Variants in RYR2 observed in about 807,000 individuals in gnomAD.
The protein encoded by RYR2 is ryanodine receptor 2.
RYR2 carries 227 observed loss-of-function variants against 601.1 expected under a neutral mutation model. The ratio of observed to expected loss-of-function variants is 0.38; its 90% CI spans 0.34 to 0.42. The LOEUF is 0.42. Among genes scored for constraint, RYR2 ranks in the 10% least tolerant of loss-of-function variants. The pLI is 1.00. For missense variants in RYR2, 4,646 were observed against 6,156.5 expected (o/e 0.75, Z 8.21); for synonymous variants, 2,223 against 2,175.1 (o/e 1.02, Z -0.61).
intron 3 of RYR2, among the ~76,000 whole-genome samples, chr1:237,345,474 T>A (rs115898570): frequency 0.11 from 16,632 of 145,420 alleles, 1,192 homozygotes; most frequent in East Asian, 0.33. Context: ...AAATAAAAAA[T>A]AAAAAATAAA....
chr1:237,561,855 T>C (rs1456922470), intron 27 of RYR2, among the ~76,000 whole-genome samples: 1 of 152,124 alleles, frequency 6.6e-6, no homozygotes, highest in Non-Finnish European at 1.5e-5. Flanking sequence ...GTTGGGAGGC[T>C]TTAGAAAAAT....
At chr1:237,583,647 G>A (rs1437516555) in intron 29 of RYR2, among the ~76,000 whole-genome samples, 1 of 152,030 alleles carries the variant, frequency 6.6e-6, no homozygotes, top group Non-Finnish European at 1.5e-5. Flanking sequence ...TTTGGTTTGG[G>A]TTATATATTT....
At chr1:237,348,889 A>G (rs143644526) in intron 3 of RYR2, among the ~76,000 whole-genome samples, 2 of 152,376 alleles carry the variant, frequency 1.3e-5, no homozygotes, top group African/African-American at 4.8e-5. Context: ...TCAGAAGATT[A>G]GTTTAACAGC....
chr1:237,535,519 G>T (rs958501232), intron 25 of RYR2, among the ~76,000 whole-genome samples: 2 of 119,226 alleles, frequency 1.7e-5, no homozygotes, highest in Non-Finnish European at 3.7e-5. Flanking sequence ...ACACACACAC[G>T]TCCCAAACAA....
intron 1 of RYR2, among the ~76,000 whole-genome samples, chr1:237,048,634 TC>T (rs1412112059): frequency 6.6e-6 from 1 of 152,184 alleles, no homozygotes; most frequent in African/African-American, 2.4e-5. Flanking sequence ...TCTAACCAAT[TC>T]CGATTTTACC....
intron 1 of RYR2, among the ~76,000 whole-genome samples, chr1:237,063,966 T>C (rs553016371): frequency 7.2e-5 from 11 of 152,268 alleles, no homozygotes; most frequent in African/African-American, 2.6e-4. Context: ...TTAAAGGTGA[T>C]ATTTTCATTC....
intron 102 of RYR2, among the ~76,000 whole-genome samples, chr1:237,829,508 C>T (rs940350829): frequency 2.6e-5 from 4 of 152,120 alleles, no homozygotes; most frequent in Admixed American, 1.3e-4. Flanking sequence ...GTTAGCTGAC[C>T]TAGGGAACCC....
In RYR2 at chr1:237,794,858, T is replaced by C. The variant is rs138952018; in HGVS notation, c.13914-431T>C. On this transcript the variant is annotated intron_variant, in intron 95 of 104. Transcript: ENST00000366574. ...CTATGTATTAGTGAAGACGCTAGAGTTGTGCTTTGCTGCTATGCTCGAAGT... is the reference window on the plus strand; with the variant it reads ...CTATGTATTAGTGAAGACGCTAGAGCTGTGCTTTGCTGCTATGCTCGAAGT... Among the ~76,000 whole-genome samples, 649 of 152,296 alleles carry C rather than the reference T, an allele frequency of 4.3e-3. 4 individuals are homozygous for C. The highest frequency in any genetic ancestry group is 0.014 in the African/African-American group (593 of 41,560).
intron 26 of RYR2, among the ~76,000 whole-genome samples, chr1:237,549,833 G>A (rs901441300): frequency 6.6e-6 from 1 of 151,952 alleles, no homozygotes; most frequent in Admixed American, 6.6e-5. Flanking sequence ...CACACTTGTA[G>A]GAGTAGATGC....
chr1:237,214,267 T>C (rs1423802649), intron 1 of RYR2, among the ~76,000 whole-genome samples: 1 of 152,110 alleles, frequency 6.6e-6, no homozygotes, highest in Non-Finnish European at 1.5e-5. Flanking sequence ...TTTTCATTAG[T>C]ATATTGTCTT....
chr1:237,515,927 TCTC>T (rs554092563), intron 24 of RYR2, among the ~76,000 whole-genome samples: 3 of 142,784 alleles, frequency 2.1e-5, no homozygotes, highest in South Asian at 2.4e-4. Flanking sequence ...CTCTCCCTCT[TCTC>T]CTTCTTCCTC....
chr1:237,454,646 T>G (rs1658592774), intron 15 of RYR2, 72 bp downstream of exon 15: 9 of 1,492,238 alleles, frequency 6.0e-6, no homozygotes, highest in Non-Finnish European at 8.2e-6. Flanking sequence ...TGGGAAAATT[T>G]TCCATCTATT....
intron 54 of RYR2, among the ~76,000 whole-genome samples, chr1:237,658,970 T>G (rs1034017916): frequency 6.6e-6 from 1 of 152,226 alleles, no homozygotes; most frequent in Non-Finnish European, 1.5e-5. Context: ...AGGTTCATGT[T>G]TAAGTTGAGC....
At chr1:237,609,444 A>T (rs997590679) in intron 35 of RYR2, among the ~76,000 whole-genome samples, 3 of 143,248 alleles carry the variant, frequency 2.1e-5, no homozygotes, top group Non-Finnish European at 4.5e-5. Context: ...ATCTCAGCTC[A>T]CTGCAACCTC....
intron 29 of RYR2, among the ~76,000 whole-genome samples, chr1:237,575,351 T>C (rs1410435661): frequency 6.6e-6 from 1 of 152,186 alleles, no homozygotes; most frequent in African/African-American, 2.4e-5. Context: ...CTACTGCATT[T>C]TACCAAAACC....
At position 237,707,062 on chromosome 1, in the gene RYR2, C is replaced by T. The variant is rs1688442582; in HGVS notation, c.9694C>T (p.Pro3232Ser). 1.2e-6 allele frequency: 2 copies of T among 1,613,850 alleles called. No homozygotes were observed. The highest frequency in any genetic ancestry group is 8.5e-7 in the Non-Finnish European group (1 of 1,179,822). ...GTCCGGCATTCGCTACACTCAAATGCCACATGTCATGGAAGTCATACTGCC... is the reference window on the plus strand; with the variant it reads ...GTCCGGCATTCGCTACACTCAAATGTCACATGTCATGGAAGTCATACTGCC... ...AESGIRYTQM[P>S]HVMEVILPML... is the part of the protein sequence containing the mutation. Residue 3232 changes from proline (P) to serine (S), a missense_variant, in exon 68 of 105, where the codon CCA (proline) becomes TCA (serine). Physicochemically the swap from Pro to Ser is moderately conservative, Grantham distance 74. Transcript: ENST00000366574.
chr1:237,571,176 C>T (rs1198742639), intron 29 of RYR2, among the ~76,000 whole-genome samples: 2 of 152,034 alleles, frequency 1.3e-5, no homozygotes, highest in Non-Finnish European at 1.5e-5. Context: ...CACTTCTTTT[C>T]AAAATGGCTT....
At chr1:237,576,038 A>G (rs775963071) in intron 29 of RYR2, among the ~76,000 whole-genome samples, 3 of 152,170 alleles carry the variant, frequency 2.0e-5, no homozygotes, top group Non-Finnish European at 4.4e-5. Flanking sequence ...CTCTAACAGA[A>G]GGTATATAAT....
chr1:237,744,712 C>CT (rs201416765), intron 80 of RYR2, among the ~76,000 whole-genome samples: 7,203 of 96,408 alleles, frequency 0.075, 176 homozygotes, highest in Middle Eastern at 0.085. Context: ...ACTTTGCCTT[C>CT]TTTTTTTAAA....
Sources: gnomAD v4.1 joint callset for allele counts (sites outside exome capture counted in the v4.1 genomes callset) on GRCh38, gnomAD v4.1.1 for gene constraint, MANE v1.5 for transcripts, NCBI Gene and HGNC (gene_info 2026-07-23, HGNC 2026-07-21) for gene names.